RASAL1: variants seen among roughly 807,000 people sequenced by gnomAD.
RASAL1 encodes rasGAP-activating-like protein 1.
A neutral mutation model predicts 96.6 loss-of-function variants in RASAL1; 72 were observed. The ratio of observed to expected loss-of-function variants is 0.75; its 90% confidence interval spans 0.62 to 0.91. The LOEUF is 0.91. Among genes scored for constraint, RASAL1 ranks in the 40% least tolerant of loss-of-function variants. RASAL1 has a pLI of 0.00. For missense variants in RASAL1, 1,016 were observed against 1,072.5 expected (o/e 0.95, Z 0.74); for synonymous variants, 405 against 430.4 (o/e 0.94, Z 0.73).
rs76557824 is a variant in RASAL1, at chr12:113,132,945, C to T, written c.66-2004G>A. Among the ~76,000 whole-genome samples the T allele has an allele frequency of 1.0e-3, 157 of 152,334 alleles. No homozygotes were observed. The East Asian group carries it at 0.026, about 25-fold the overall frequency. On this transcript the variant is annotated intron_variant, in intron 1 of 20. Transcript: ENST00000548055. ...CTCAGTTTCCCCATCTGGGCTTCAC[C>T]TTCAGACTCCTGTGGCTGGTAATGT...
chr12:113,112,577 G>A (rs574102952), intron 12 of RASAL1, among the ~76,000 whole-genome samples: 1 of 152,126 alleles, frequency 6.6e-6, no homozygotes, highest in South Asian at 2.1e-4. Flanking sequence ...CCTCCCCTGC[G>A]AGGCTGCCCC....
chr12:113,117,356 C>T (rs1592929602), intron 7 of RASAL1, among the ~76,000 whole-genome samples, 195 bp from the exon 8 acceptor site: 1 of 152,312 alleles, frequency 6.6e-6, no homozygotes, highest in East Asian at 1.9e-4. Context: ...CTTCTGAGGG[C>T]CTACCAGGGA....
At position 113,119,166 on chromosome 12, in the gene RASAL1, C is replaced by G. The variant is rs1474022063; in HGVS notation, c.604G>C (p.Asp202His). ...APSPLRVELW[D>H]WDMVGKNDFL... ...TCATTCTTGCCCACCATGTCCCAGT[C>G]CCAGAGCTCCACCCGCAGTGGGGAC... is the stretch of plus-strand genomic sequence containing the variant. Residue 202 changes from aspartate (D) to histidine (H), a missense_variant, in exon 7 of 21, where the codon GAC becomes CAC. Transcript: ENST00000548055. 1 of 1,613,710 alleles carries G rather than the reference C, an allele frequency of 6.2e-7. No homozygotes were observed. Among genetic ancestry groups the G allele is most frequent in the South Asian group, 1.1e-5 (1 of 90,996 alleles).
intron 12 of RASAL1, among the ~76,000 whole-genome samples, chr12:113,113,591 C>A (rs906979120): frequency 1.3e-5 from 2 of 152,206 alleles, no homozygotes; most frequent in Non-Finnish European, 2.9e-5. Context: ...GGCTGTATGA[C>A]CTTAGGCAAG....
chr12:113,117,544 T>G (rs1951134052), intron 7 of RASAL1, among the ~76,000 whole-genome samples: 1 of 152,146 alleles, frequency 6.6e-6, no homozygotes, highest in South Asian at 2.1e-4. Context: ...AGCCCCACAC[T>G]CTCTCTCTTT....
rs2136180305 is a variant in RASAL1, at chr12:113,115,367, A to G, written c.1004-103T>C. ...CATGATTCTTCCAGCCCCAAGAATC[A>G]GGAAGACCCAAAACATCAACCCCAT... On this transcript the variant is annotated intron_variant, in intron 10 of 20. Coordinates refer to ENST00000548055, the MANE Select transcript of RASAL1 (RefSeq NM_001301202.2). This position sits in a 1 kb window ranked among gnomAD's most constrained non-coding sequence, Gnocchi z 4.1. 1.6e-6 allele frequency: 2 copies of G among 1,217,550 alleles called. No individual in the cohort carries two copies. Among genetic ancestry groups the G allele is most frequent in the Non-Finnish European group, 2.4e-6 (2 of 823,194 alleles). 75.4% of individuals were successfully genotyped at this position (1,217,550 alleles called of 1,614,324 possible).
chr12:113,112,275 C>T lies in RASAL1; in HGVS notation c.1185G>A (p.Arg395=). The change falls in exon 13 of 21, where the codon AGG becomes AGA. Residue 395 remains arginine (R), a synonymous_variant. Coordinates refer to ENST00000548055, the MANE Select transcript of RASAL1 (RefSeq NM_001301202.2). ...CCGAGAGTGCGCCTTTGAAGGAGAT[C>T]CTCCTGGAGGGGCCGGCGGAGCAGC... ...PCKMDLGRTR[R]ISFKGALSEE... The T allele has an allele frequency of 1.6e-6, 2 of 1,258,600 alleles. No individual in the cohort carries two copies. Among genetic ancestry groups the T allele is most frequent in the Admixed American group, 7.9e-5 (2 of 25,332 alleles). 78.0% of individuals were successfully genotyped at this position (1,258,600 alleles called of 1,614,324 possible).
upstream of RASAL1, chr12:113,136,161 T>C (rs1018906078): frequency 1.4e-4 from 22 of 152,400 alleles, no homozygotes; most frequent in African/African-American, 5.3e-4. Flanking sequence ...GGGTCGCATG[T>C]TCCCTGGGGG....
chr12:113,109,383 C>T (rs1950779055), intron 13 of RASAL1, among the ~76,000 whole-genome samples: 1 of 152,188 alleles, frequency 6.6e-6, no homozygotes, highest in East Asian at 1.9e-4. Context: ...CTGATGGGCT[C>T]CAGAGTCCAT....
chr12:113,103,707 A>G (rs943884666), intron 18 of RASAL1: 21 of 597,104 alleles, frequency 3.5e-5, no homozygotes, highest in African/African-American at 5.6e-5. Context: ...GTACTTTAGA[A>G]ATAACACGTC....
intron 14 of RASAL1, 44 bp from the exon 15 acceptor site, chr12:113,107,285 G>C: frequency 1.3e-6 from 2 of 1,543,610 alleles, no homozygotes; most frequent in Non-Finnish European, 1.7e-6. Flanking sequence ...GGTCACAGCA[G>C]AGGGTAGGGC....
Position 113,115,096 on chromosome 12 carries a change from G to T in RASAL1, c.1068+104C>A. The T allele has an allele frequency of 7.8e-7, 1 of 1,289,408 alleles. No homozygotes were observed. Among genetic ancestry groups the T allele is most frequent in the Non-Finnish European group, 1.1e-6 (1 of 889,284 alleles). The allele number at this position is 1,289,408 out of a possible 1,614,324, so 79.9% of individuals were successfully genotyped here. A position where few individuals can be genotyped will look rare whatever the true frequency, so the allele number is the denominator to read the frequency against. On this transcript the variant is annotated intron_variant, in intron 11 of 20. Transcript: ENST00000548055. The surrounding 1 kb of genome is among the most constrained non-coding windows in gnomAD (Gnocchi z 4.1). ...CAGCCGCCAGCACTGCAGCTCGGCT[G>T]CTCAGTGCTGTCTGAAGCCAGCTAA...
At position 113,107,344 on chromosome 12, in the gene RASAL1, C is replaced by T. The variant is rs551946335; in HGVS notation, c.1513-103G>A. 2.8e-5 allele frequency: 38 copies of T among 1,337,308 alleles called. No individual in the cohort carries two copies. The Admixed American group carries it at 4.5e-4, about 16-fold the overall frequency. 82.8% of individuals were successfully genotyped at this position (1,337,308 alleles called of 1,614,324 possible). On this transcript the variant is annotated intron_variant, in intron 14 of 20. Coordinates refer to ENST00000548055, the MANE Select transcript of RASAL1 (RefSeq NM_001301202.2). ...CTCAATAAAAGAAGACTCATATTGCCGGGCACAGTGGCTCATGCCTGTAAT... is the reference window on the plus strand; with the variant it reads ...CTCAATAAAAGAAGACTCATATTGCTGGGCACAGTGGCTCATGCCTGTAAT...
chr12:113,116,110 C>T, intron 8 of RASAL1, 59 bp from the exon 9 acceptor site: 1 of 1,428,768 alleles, frequency 7.0e-7, no homozygotes, highest in South Asian at 1.4e-5. Flanking sequence ...TGGCTCACGC[C>T]TGTAATCCCA....
chr12:113,114,210 C>T (rs1206435403), intron 12 of RASAL1, among the ~76,000 whole-genome samples: 4 of 152,090 alleles, frequency 2.6e-5, no homozygotes, highest in East Asian at 1.9e-4. Context: ...CGGTTGTTCA[C>T]GCCTGTAATC....
At chr12:113,117,272 G>A in intron 7 of RASAL1, 111 bp from the exon 8 acceptor site, 1 of 732,776 alleles carries the variant, frequency 1.4e-6, no homozygotes, top group Non-Finnish European at 2.1e-6. Flanking sequence ...CAGAGGGGCA[G>A]AATGGCCTGC....
intron 5 of RASAL1, among the ~76,000 whole-genome samples, chr12:113,119,768 C>T (rs1248552511): frequency 2.0e-5 from 3 of 149,512 alleles, no homozygotes; most frequent in Non-Finnish European, 4.5e-5. Context: ...CTGGAGGCCC[C>T]AGATGGGAAA....
At chr12:113,116,965 G>C (rs1951109352) in intron 8 of RASAL1, 108 bp downstream of exon 8, 2 of 799,562 alleles carry the variant, frequency 2.5e-6, no homozygotes, top group Non-Finnish European at 3.8e-6. Context: ...ATGAATGCAT[G>C]AAGTGGCATA....
chr12:113,111,105 G>T (rs1414499262), intron 13 of RASAL1, among the ~76,000 whole-genome samples: 1 of 152,100 alleles, frequency 6.6e-6, no homozygotes, highest in Non-Finnish European at 1.5e-5. Flanking sequence ...TGCTTGCTTT[G>T]TTCTTGCGCC....
Sources: allele counts gnomAD v4.1 joint callset (sites outside exome capture counted in the v4.1 genomes callset), GRCh38; gene constraint gnomAD v4.1.1; non-coding constraint Gnocchi (gnomAD v3.1); transcripts MANE v1.5; gene names NCBI Gene and HGNC (gene_info 2026-07-23, HGNC 2026-07-21).